Variants in PRR5 observed in about 807,000 individuals in gnomAD.
The protein encoded by PRR5 is proline rich 5.
PRR5 carries 25 observed loss-of-function variants against 30.6 expected under a neutral mutation model. The ratio of observed to expected loss-of-function variants is 0.82; its 90% CI spans 0.60 to 1.14. PRR5 has a LOEUF of 1.14. Among genes scored for constraint, PRR5 ranks in the 50% most tolerant of loss-of-function variants. The pLI is 0.00. For missense variants in PRR5, 600 were observed against 547.1 expected (o/e 1.10, Z -0.96); for synonymous variants, 286 against 247.1 (o/e 1.16, Z -1.48).
At chr22:44,715,899 C>T (rs2147085520) in intron 2 of PRR5, among the ~76,000 whole-genome samples, 1 of 152,344 alleles carries the variant, frequency 6.6e-6, no homozygotes, top group African/African-American at 2.4e-5. Context: ...CCTCCCACCT[C>T]CAGCCTCTCA....
chr22:44,674,686 T>A (rs1923619878), upstream of PRR5, among the ~76,000 whole-genome samples: 2 of 148,212 alleles, frequency 1.3e-5, no homozygotes, highest in African/African-American at 5.0e-5. Context: ...GCCACTGCAC[T>A]CCAGCCTGGG....
intron 2 of PRR5, among the ~76,000 whole-genome samples, chr22:44,723,760 C>T (rs1031115894): frequency 6.6e-6 from 1 of 152,162 alleles, no homozygotes; most frequent in African/African-American, 2.4e-5. Flanking sequence ...GAACATAGTA[C>T]TTTGAGCAGT....
intron 1 of PRR5, among the ~76,000 whole-genome samples, chr22:44,682,976 G>A (rs1211848650): frequency 6.6e-6 from 1 of 152,224 alleles, no homozygotes; most frequent in Non-Finnish European, 1.5e-5. Flanking sequence ...AGGATGAATA[G>A]GAGTTGGCCA....
chr22:44,730,784 C>T (rs1006865080), intron 4 of PRR5: 5 of 647,292 alleles, frequency 7.7e-6, no homozygotes, highest in Middle Eastern at 3.4e-4. Context: ...CCAGACCTGA[C>T]CACAGGCAGA....
At chr22:44,736,685 G>A in intron 7 of PRR5, 87 bp from the exon 8 acceptor site, 1 of 1,487,428 alleles carries the variant, frequency 6.7e-7, no homozygotes, top group Non-Finnish European at 8.9e-7. Context: ...CCCTGCACAG[G>A]GACCCAGTGT....
rs1236211443 is a variant in PRR5 at position 44,687,263 on chromosome 22, C to T, written c.-11+10023C>T. ...TAATCGGGAAACCCATCGCTTCAAA[C>T]ATCTATATTGTCTTTGCATTTGGAA... On this transcript the variant is annotated intron_variant, in intron 1 of 8. Coordinates refer to the PRR5 transcript ENST00000006251. Among the ~76,000 whole-genome samples the T allele has an allele frequency of 2.6e-5, 4 of 152,270 alleles. No individual in the cohort carries two copies. The East Asian group carries it at 5.8e-4, about 22-fold the overall frequency.
At chr22:44,732,981 CACAT>C (rs374723135) in intron 6 of PRR5, among the ~76,000 whole-genome samples, 4,268 of 151,110 alleles carry the variant, frequency 0.028, 185 homozygotes, top group African/African-American at 0.093. Context: ...ACACACTACA[CACAT>C]ACATGTGCGC....
At position 44,737,125 on chromosome 22, in the gene PRR5, G is replaced by A. The variant is rs980533615; in HGVS notation, c.1045G>A (p.Val349Met). ...GCCCCGCTCCAGCCCGGAGAACCTG[G>A]TGGACCAGATCCTGGAGTCCGTGGA... Reference protein sequence around the residue: ...SLPRSSPENLVDQILESVDSD... With the variant: ...SLPRSSPENLMDQILESVDSD... Residue 349 changes from valine to methionine, a missense_variant, in exon 8 of 8, where the codon GTG becomes ATG. Val to Met is a conservative substitution (Grantham distance 21). Coordinates refer to ENST00000336985, the MANE Select transcript of PRR5 (RefSeq NM_181333.4). 2 of 1,612,438 alleles carry A rather than the reference G, an allele frequency of 1.2e-6. No homozygotes were observed. Among genetic ancestry groups the A allele is most frequent in the Non-Finnish European group, 1.7e-6 (2 of 1,180,010 alleles).
rs1347179911 is a variant in PRR5, at chr22:44,735,027, G to A, written c.556G>A (p.Gly186Arg). The A allele has an allele frequency of 6.2e-7, 1 of 1,612,266 alleles. No individual in the cohort carries two copies. The highest frequency in any genetic ancestry group is 8.5e-7 in the Non-Finnish European group (1 of 1,179,310). ...AIVQMLLVLQ[G>R]VHESRGVTED... ...TACCCCCTGCCCCACTCTCCTGCAG[G>A]GGGTACATGAGTCCAGGGGCGTGAC... The change falls in exon 7 of 8, where the codon GGG (glycine) becomes AGG (arginine). Residue 186 changes from glycine to arginine, a missense_variant and splice_region_variant. Coordinates refer to ENST00000336985, the MANE Select transcript of PRR5 (RefSeq NM_181333.4).
At chr22:44,669,181 G>T (rs1412591068) in intron 1 of PRR5, among the ~76,000 whole-genome samples, 3 of 145,978 alleles carry the variant, frequency 2.1e-5, no homozygotes, top group African/African-American at 7.6e-5. Flanking sequence ...CCGTCCAGCC[G>T]CCCCGTGTCC....
rs569714806 is a variant in PRR5 at position 44,718,102 on chromosome 22, G to A, written c.215+3431G>A. On this transcript the variant is annotated intron_variant, in intron 2 of 7. Transcript: ENST00000336985. ...ATCGCATCCACCTCGGCTGATGGACGTGGGTTCTTTCTACCTTTTGGCTGT... is the reference window on the plus strand; with the variant it reads ...ATCGCATCCACCTCGGCTGATGGACATGGGTTCTTTCTACCTTTTGGCTGT... Among the ~76,000 whole-genome samples the A allele has an allele frequency of 4.0e-4, 61 of 152,040 alleles. 1 individual carries two copies. The South Asian group carries it at 4.6e-3, about 11-fold the overall frequency.
At chr22:44,731,038 G>A (rs1160828159) in intron 4 of PRR5, 1 of 316,040 alleles carries the variant, frequency 3.2e-6, no homozygotes, top group Non-Finnish European at 6.7e-6. Flanking sequence ...GGGGCAGATA[G>A]TGTGGGGGAA....
intron 1 of PRR5, among the ~76,000 whole-genome samples, chr22:44,677,785 C>T (rs192511871): frequency 5.0e-4 from 76 of 152,262 alleles, no homozygotes; most frequent in African/African-American, 1.7e-3. Flanking sequence ...CTCTGAGCCT[C>T]GGTCTCTAAT....
rs541779288 is a variant in PRR5 at position 44,714,010 on chromosome 22, C to T, written c.135-581C>T. Reference sequence around the variant, plus strand: ...AGTAGAGACGGGGTTTCACCATGTTCGCCAGGATGATCTCGATCTCCTGAC... The same window carrying T: ...AGTAGAGACGGGGTTTCACCATGTTTGCCAGGATGATCTCGATCTCCTGAC... On this transcript the variant is annotated intron_variant, in intron 1 of 7. Coordinates refer to ENST00000336985, the MANE Select transcript of PRR5 (RefSeq NM_181333.4). Among the ~76,000 whole-genome samples the T allele has an allele frequency of 7.9e-5, 12 of 152,142 alleles. No individual in the cohort carries two copies. In the South Asian group the frequency reaches 2.1e-3, roughly 26 times the overall value.
At chr22:44,727,743 C>T (rs543592709) in intron 4 of PRR5, among the ~76,000 whole-genome samples, 1 of 152,344 alleles carries the variant, frequency 6.6e-6, no homozygotes, top group African/African-American at 2.4e-5. Context: ...GGACACAGGC[C>T]CGGAGGCCTG....
rs3213550 is a variant in PRR5, at chr22:44,737,460, G to A, written c.*213G>A. ...CAGGTCTGTTTCAGGCATCTGAGTC[G>A]GCGTTTACCCAGGGGCCGGGCCAGA... On this transcript the variant is annotated 3_prime_UTR_variant, in exon 8 of 8. Transcript: ENST00000336985. 0.11 allele frequency: 114,778 copies of A among 1,055,018 alleles called. 7,936 individuals carry two copies. Among genetic ancestry groups the A allele is most frequent in the East Asian group, 0.29 (10,688 of 36,540 alleles). The allele number at this position is 1,055,018 out of a possible 1,614,324, so 65.4% of individuals were successfully genotyped here. A position where few individuals can be genotyped will look rare whatever the true frequency, so the allele number is the denominator to read the frequency against.
intron 6 of PRR5, among the ~76,000 whole-genome samples, chr22:44,733,392 G>A (rs529415193): frequency 2.0e-5 from 3 of 152,246 alleles, no homozygotes; most frequent in Non-Finnish European, 4.4e-5. Context: ...CCCGGCTCTC[G>A]CAGGTGCAAA....
chr22:44,702,770 C>T (rs772698773), intron 1 of PRR5, among the ~76,000 whole-genome samples, 162 bp downstream of exon 1: 24 of 152,164 alleles, frequency 1.6e-4, no homozygotes, highest in Non-Finnish European at 2.9e-4. Flanking sequence ...TGGTGCGGGC[C>T]TGGAGGAAAG....
At chr22:44,688,243 G>T (rs141431373) in intron 1 of PRR5, among the ~76,000 whole-genome samples, 1 of 151,922 alleles carries the variant, frequency 6.6e-6, no homozygotes, top group African/African-American at 2.4e-5. Flanking sequence ...AATTAGCCGG[G>T]TGTGGTGGTG....
Sources: allele counts gnomAD v4.1 joint callset (sites outside exome capture counted in the v4.1 genomes callset), GRCh38; gene constraint gnomAD v4.1.1; transcripts MANE v1.5; gene names NCBI Gene and HGNC (gene_info 2026-07-23, HGNC 2026-07-21).